The following PTPRB variants were observed in gnomAD, a reference collection of about 807,000 sequenced individuals.
PTPRB encodes protein tyrosine phosphatase receptor type B.
PTPRB carries 97 observed loss-of-function variants against 238.1 expected under a neutral mutation model. That is an observed-to-expected ratio of 0.41 (90% CI 0.35 to 0.48). PTPRB has a LOEUF of 0.48. Ranked by LOEUF, PTPRB falls within the 20% of genes least tolerant of loss-of-function variation. The probability of loss-of-function intolerance (pLI) is 0.30; values close to 1 mark genes in which losing one functional copy is unlikely to be tolerated. For missense variants in PTPRB, 2,292 were observed against 2,681.9 expected, an observed-to-expected ratio of 0.85 and a Z score of 3.21; for synonymous variants, 970 against 995.4, an observed-to-expected ratio of 0.97 and a Z score of 0.48.
Position 70,566,955 on chromosome 12 carries a change from T to C in PTPRB, c.3635-251A>G, listed in dbSNP as rs542984448. ...TAAATAGGATCTCAGATAGAAAAGTTAGTGAAAATGGCCCTGATAAATATG... is the reference window on the plus strand; with the variant it reads ...TAAATAGGATCTCAGATAGAAAAGTCAGTGAAAATGGCCCTGATAAATATG... On this transcript the variant is annotated intron_variant, in intron 14 of 33. Coordinates refer to ENST00000334414, the MANE Select transcript of PTPRB (RefSeq NM_001109754.4). Among the ~76,000 whole-genome samples, 25 of 152,312 alleles carry C rather than the reference T, an allele frequency of 1.6e-4. No homozygotes were observed. In the South Asian group the frequency reaches 5.2e-3, roughly 32 times the overall value.
rs987722187 is a variant in PTPRB at position 70,587,115 on chromosome 12, C to A, written c.2203G>T (p.Ala735Ser). 1.5e-5 allele frequency: 24 copies of A among 1,613,934 alleles called. No homozygotes were observed. The highest frequency in any genetic ancestry group is 2.0e-5 in the Non-Finnish European group (24 of 1,179,850). ...AGGTCAGTAAAAGTGAATTCTTTGG[C>A]ATCTTTGGAGAGTGACTTGTGGATC... is the stretch of plus-strand genomic sequence containing the variant. ...LLIHKSLSKD[A>S]KEFTFTDLVP... The change falls in exon 9 of 34, where the codon GCC becomes TCC. Residue 735 changes from alanine to serine, a missense_variant. This residue lies in a region of PTPRB where 1,205 missense variants were observed against 1,287.8 expected (regional missense o/e 0.94). Transcript: ENST00000334414.
Position 70,590,063 on chromosome 12 carries a change from T to C in PTPRB, c.1951A>G (p.Met651Val), listed in dbSNP as rs750325285. 19 of 1,614,000 alleles carry C rather than the reference T, an allele frequency of 1.2e-5. No individual in the cohort carries two copies. The highest frequency in any genetic ancestry group is 1.6e-4 in the Middle Eastern group (1 of 6,062). The change falls in exon 8 of 34, where the codon ATG (methionine) becomes GTG (valine). Residue 651 changes from methionine (M) to valine (V), a missense_variant. Physicochemically the swap from Met to Val is conservative, Grantham distance 21. Around this residue, in one of 4 missense-constraint regions of PTPRB, gnomAD observed 1,205 missense variants for 1,287.8 expected, o/e 0.94. Coordinates refer to ENST00000334414, the MANE Select transcript of PTPRB (RefSeq NM_001109754.4). ...TVGKEETQYV[M>V]DDTGLVPGRQ... ...CCCGGTACGAGCCCCGTGTCATCCA[T>C]GACATACTGTGTTTCTTCCTTTCCC...
rs1293649795 is a variant in PTPRB at position 70,556,065 on chromosome 12, AG to A, written c.4797del (p.Phe1600LeufsTer32). 6.2e-7 allele frequency: 1 copy of A among 1,613,766 alleles called. No homozygotes were observed. ...IACSWIPPDS[D>X]FDGYSIECRK... ...CGGCATTCAATACTATAACCATCAA[AG>A]TCAGAATCAGGAGGGATCCAAGAAC... On this transcript the variant is annotated frameshift_variant, in exon 19 of 34. Coordinates refer to ENST00000334414, the MANE Select transcript of PTPRB (RefSeq NM_001109754.4). LOFTEE classifies it high-confidence loss of function.
rs1555240764 is a variant in PTPRB at position 70,626,300 on chromosome 12, T to TATCC, written c.452-3655_452-3654insGGAT. ...AAAGGATGATGTCTATCCATCCATCTATCTATCTATCTATCTATCTATCTA... is the reference window on the plus strand; with the variant it reads ...AAAGGATGATGTCTATCCATCCATCTATCCATCTATCTATCTATCTATCTATCTA... On this transcript the variant is annotated intron_variant, in intron 2 of 33. Coordinates refer to ENST00000334414, the MANE Select transcript of PTPRB (RefSeq NM_001109754.4). Among the ~76,000 whole-genome samples the TATCC allele has an allele frequency of 7.7e-3, 196 of 25,536 alleles. 9 individuals are homozygous for TATCC. Among genetic ancestry groups the TATCC allele is most frequent in the African/African-American group, 0.033 (193 of 5,906 alleles). 16.8% of individuals were successfully genotyped at this position (25,536 alleles called of 152,430 possible).
intron 4 of PTPRB, among the ~76,000 whole-genome samples, chr12:70,599,527 T>C (rs1883303841): frequency 6.6e-6 from 1 of 152,204 alleles, no homozygotes; most frequent in Non-Finnish European, 1.5e-5. Context: ...TTGATTAATA[T>C]ATCAATATTT....
At chr12:70,533,095 C>T (rs901666359) in intron 31 of PTPRB, among the ~76,000 whole-genome samples, 4 of 152,140 alleles carry the variant, frequency 2.6e-5, no homozygotes, top group Admixed American at 2.6e-4. Flanking sequence ...AGAAGCAGAA[C>T]TCTTGGGTTG....
At chr12:70,605,624 G>A (rs1883884970) in intron 4 of PTPRB, among the ~76,000 whole-genome samples, 1 of 152,146 alleles carries the variant, frequency 6.6e-6, no homozygotes, top group Non-Finnish European at 1.5e-5. Context: ...CCAGTGAGTT[G>A]GTATCTAAAA....
At chr12:70,539,475 A>G (rs1173349924) in intron 26 of PTPRB, 150 bp downstream of exon 26, 1 of 652,972 alleles carries the variant, frequency 1.5e-6, no homozygotes, top group African/African-American at 1.8e-5. Context: ...TATTCAGGGC[A>G]TAGTTTAGGC....
In PTPRB at chr12:70,539,920, A is replaced by G. The variant is rs1565916603; in HGVS notation, c.5678+19T>C. ...TACCATCTTTCAACAAATTATACGA[A>G]GGCAAATGTGGTGCTTACCCTTTCT... is the stretch of plus-strand genomic sequence containing the variant. On this transcript the variant is annotated intron_variant, in intron 24 of 33. Transcript: ENST00000334414. 1.0e-5 allele frequency: 16 copies of G among 1,594,458 alleles called. No individual in the cohort carries two copies. The highest frequency in any genetic ancestry group is 1.3e-5 in the Non-Finnish European group (15 of 1,162,210).
In PTPRB at chr12:70,569,720, C is replaced by T; in HGVS notation, c.3589G>A (p.Val1197Ile). The part of the protein sequence containing the change: ...GEQYQIMIAS[V>I]SGSLKNQINV... ...ATCTGATTCTTCAGGGACCCGCTGA[C>T]TGAGGCAATCATGATCTGGTACTGC... Residue 1197 changes from valine to isoleucine, a missense_variant, in exon 14 of 34, where the codon GTC (valine) becomes ATC (isoleucine). Val to Ile is a conservative substitution (Grantham distance 29). Transcript: ENST00000334414. 2 of 1,613,910 alleles carry T rather than the reference C, an allele frequency of 1.2e-6. No individual in the cohort carries two copies. The highest frequency in any genetic ancestry group is 1.7e-6 in the Non-Finnish European group (2 of 1,179,872).
intron 31 of PTPRB, among the ~76,000 whole-genome samples, chr12:70,533,119 A>G (rs1873550105): frequency 6.6e-6 from 1 of 152,184 alleles, no homozygotes; most frequent in African/African-American, 2.4e-5. Flanking sequence ...ATGGGCATGA[A>G]CACCTTCAGC....
rs369297953 is a variant in PTPRB at position 70,539,030 on chromosome 12, T to C, written c.5779-16A>G. 1.2e-5 allele frequency: 19 copies of C among 1,589,912 alleles called. No homozygotes were observed. Among genetic ancestry groups the C allele is most frequent in the Middle Eastern group, 1.7e-4 (1 of 6,032 alleles). ...CTTTTAACTCCTGTTAGGTCAAATA[T>C]GAGTTTGTAAGTGGAGAATATGAAA... is the stretch of plus-strand genomic sequence containing the variant. On this transcript the variant is annotated splice_polypyrimidine_tract_variant and intron_variant, in intron 26 of 33. Coordinates refer to ENST00000334414, the MANE Select transcript of PTPRB (RefSeq NM_001109754.4).
chr12:70,537,573 A>G (rs1458741690), intron 28 of PTPRB, among the ~76,000 whole-genome samples: 2 of 152,190 alleles, frequency 1.3e-5, no homozygotes, highest in East Asian at 3.9e-4. Context: ...TGCTTGAGGT[A>G]TGAGGTAAAT....
intron 21 of PTPRB, among the ~76,000 whole-genome samples, chr12:70,547,169 G>A (rs1021532923): frequency 5.9e-5 from 9 of 152,138 alleles, no homozygotes; most frequent in Admixed American, 2.0e-4. Flanking sequence ...GTGTAATCCT[G>A]TAAAATGAAC....
chr12:70,575,929 G>C (rs1042560106), intron 11 of PTPRB, among the ~76,000 whole-genome samples: 1 of 152,158 alleles, frequency 6.6e-6, no homozygotes, highest in Non-Finnish European at 1.5e-5. Context: ...AGGATGGAGA[G>C]CTTTGTAGGC....
chr12:70,568,802 C>T (rs1879653979), intron 14 of PTPRB, among the ~76,000 whole-genome samples: 1 of 152,168 alleles, frequency 6.6e-6, no homozygotes, highest in African/African-American at 2.4e-5. Flanking sequence ...CCAGACAGAC[C>T]TAGACTTGAA....
rs998021578 is a variant in PTPRB at position 70,622,258 on chromosome 12, C to A, written c.708+132G>T. 8.8e-5 allele frequency: 115 copies of A among 1,299,768 alleles called. No homozygotes were observed. In the East Asian group the frequency reaches 2.6e-3, roughly 29 times the overall value. 80.5% of individuals were successfully genotyped at this position (1,299,768 alleles called of 1,614,324 possible). A position where few individuals can be genotyped will look rare whatever the true frequency, so the allele number is the denominator to read the frequency against. On this transcript the variant is annotated intron_variant, in intron 3 of 33. Transcript: ENST00000334414. ...GTAAAATGCTTTCCTGTACAATTAG[C>A]AGCCAGGACACAGGGTGAGAGTGCC...
intron 33 of PTPRB, among the ~76,000 whole-genome samples, chr12:70,521,937 C>T (rs1449061545): frequency 2.0e-5 from 3 of 152,178 alleles, no homozygotes; most frequent in South Asian, 2.1e-4. Context: ...ACAAAGGAAC[C>T]TCCAAGATCC....
At chr12:70,526,854 T>C (rs1372863692) in intron 32 of PTPRB, among the ~76,000 whole-genome samples, 3 of 152,174 alleles carry the variant, frequency 2.0e-5, no homozygotes, top group Non-Finnish European at 4.4e-5. Flanking sequence ...GGCCTATTAA[T>C]AAATTCTTTA....
Sources: gnomAD v4.1 joint callset for allele counts (sites outside exome capture counted in the v4.1 genomes callset) on GRCh38, gnomAD v4.1.1 for gene constraint, gnomAD v4.1.1 regional missense constraint, MANE v1.5 for transcripts, NCBI Gene and HGNC (gene_info 2026-07-23, HGNC 2026-07-21) for gene names.